Variants in IQCK observed in about 807,000 individuals in gnomAD.
IQCK encodes the protein IQ domain-containing protein K.
Under a neutral mutation model 28.1 loss-of-function variants are expected in IQCK, and 29 were observed. The ratio of observed to expected loss-of-function variants is 1.03; its 90% CI spans 0.77 to 1.41. The LOEUF is 1.41. IQCK is among the 40% of genes most tolerant of loss of function. The probability of loss-of-function intolerance (pLI) is 0.00; values close to 1 mark genes in which losing one functional copy is unlikely to be tolerated. For synonymous variants in IQCK, 113 were observed against 115.1 expected, an observed-to-expected ratio of 0.98 and a Z score of 0.12; for missense variants, 359 against 314.7, an observed-to-expected ratio of 1.14 and a Z score of -1.07.
At chr16:19,722,180 A>G (rs1391325531) in intron 1 of IQCK, among the ~76,000 whole-genome samples, 1 of 152,018 alleles carries the variant, frequency 6.6e-6, no homozygotes, top group African/African-American at 2.4e-5. Flanking sequence ...AGTCTGTAAC[A>G]CCTCCTGAAA....
At chr16:19,803,958 A>G (rs1319863235) in intron 7 of IQCK, among the ~76,000 whole-genome samples, 2 of 152,224 alleles carry the variant, frequency 1.3e-5, no homozygotes, top group Admixed American at 6.5e-5. Flanking sequence ...TCTAAATGTA[A>G]CAACACAGGA....
At chr16:19,738,904 TG>T (rs1365447458) in intron 4 of IQCK, among the ~76,000 whole-genome samples, 2 of 152,180 alleles carry the variant, frequency 1.3e-5, no homozygotes, top group Non-Finnish European at 1.5e-5. Context: ...GGTTCTCTCA[TG>T]GGAAGGTGGG....
At chr16:19,821,002 A>G (rs1447375841) in intron 7 of IQCK, among the ~76,000 whole-genome samples, 10 of 152,218 alleles carry the variant, frequency 6.6e-5, no homozygotes, top group African/African-American at 1.4e-4. Context: ...GTACACATTT[A>G]AACCACAATG....
intron 1 of IQCK, among the ~76,000 whole-genome samples, chr16:19,722,829 A>G (rs1172443212): frequency 1.3e-5 from 2 of 149,948 alleles, no homozygotes; most frequent in Non-Finnish European, 3.0e-5. Context: ...CAATTCCCCC[A>G]CCTCAGCCTC....
chr16:19,849,817 G>A (rs1184056536), intron 9 of IQCK, among the ~76,000 whole-genome samples: 1 of 151,904 alleles, frequency 6.6e-6, no homozygotes, highest in Non-Finnish European at 1.5e-5. Context: ...AGAAAGGAAG[G>A]CAGGGATGAT....
chr16:19,830,030 T>C (rs1040712719), downstream of IQCK, among the ~76,000 whole-genome samples: 39 of 152,142 alleles, frequency 2.6e-4, no homozygotes, highest in Admixed American at 2.0e-3. Context: ...AATGAATGAA[T>C]GAATGAATGA....
chr16:19,798,949 A>G (rs562087690), intron 7 of IQCK, among the ~76,000 whole-genome samples: 57 of 33,480 alleles, frequency 1.7e-3, no homozygotes, highest in Non-Finnish European at 2.3e-3. Flanking sequence ...GGATCTCACT[A>G]TGTTGGCCAG....
intron 1 of IQCK, among the ~76,000 whole-genome samples, chr16:19,723,342 G>A (rs901600345): frequency 1.3e-5 from 2 of 151,988 alleles, no homozygotes; most frequent in Non-Finnish European, 2.9e-5. Context: ...GCTTCTTAAC[G>A]TCCCATCTCT....
At position 19,764,285 on chromosome 16, in the gene IQCK, C is replaced by G. The variant is rs561423767; in HGVS notation, c.605+173C>G. 5.6e-6 allele frequency: 3 copies of G among 539,468 alleles called. No homozygotes were observed. The African/African-American group carries it at 5.6e-5, about 10-fold the overall frequency. 33.4% of individuals were successfully genotyped at this position (539,468 alleles called of 1,614,324 possible). A position where few individuals can be genotyped will look rare whatever the true frequency, so the allele number is the denominator to read the frequency against. The stretch of plus-strand genomic sequence containing the variant: ...TAGCCTAGGCTAACCTTATCCTAAT[C>G]AGGCCAGTAATTTCATTCAAGAAGC... On this transcript the variant is annotated intron_variant, in intron 6 of 7. Transcript: ENST00000564186.
chr16:19,839,455 C>A (rs2056340098), intron 9 of IQCK, among the ~76,000 whole-genome samples: 1 of 151,960 alleles, frequency 6.6e-6, no homozygotes, highest in African/African-American at 2.4e-5. Flanking sequence ...GCCACCACAC[C>A]CGGCCAGTCA....
At chr16:19,836,120 G>A (rs2056293349) in intron 9 of IQCK, among the ~76,000 whole-genome samples, 3 of 152,112 alleles carry the variant, frequency 2.0e-5, no homozygotes, top group Admixed American at 2.0e-4. Context: ...TTCTAAATGA[G>A]GTCATTGTTT....
intron 1 of IQCK, among the ~76,000 whole-genome samples, chr16:19,724,359 A>G (rs1406304392): frequency 6.6e-6 from 1 of 152,092 alleles, no homozygotes; most frequent in Non-Finnish European, 1.5e-5. Flanking sequence ...TCTCTGGAAC[A>G]TAAGCTCCTC....
At chr16:19,742,361 C>T (rs945450447) in intron 4 of IQCK, among the ~76,000 whole-genome samples, 1 of 152,192 alleles carries the variant, frequency 6.6e-6, no homozygotes, top group Non-Finnish European at 1.5e-5. Context: ...CATGTTCCCC[C>T]GTCCCCGGTC....
chr16:19,836,623 C>T (rs1471723010), intron 9 of IQCK, among the ~76,000 whole-genome samples: 1 of 152,192 alleles, frequency 6.6e-6, no homozygotes, highest in Non-Finnish European at 1.5e-5. Context: ...AAGTGATTCT[C>T]CTGCCTCAGC....
chr16:19,736,272 T>C (rs574896790), intron 4 of IQCK: 34 of 424,010 alleles, frequency 8.0e-5, no homozygotes, highest in Non-Finnish European at 1.4e-4. Context: ...TTAGTATCTT[T>C]TTTCTTTTTG....
At chr16:19,773,435 A>G (rs1013638913) in intron 6 of IQCK, among the ~76,000 whole-genome samples, 2 of 152,226 alleles carry the variant, frequency 1.3e-5, no homozygotes, top group African/African-American at 4.8e-5. Flanking sequence ...GAGGATTAAC[A>G]TGATCAAAGC....
At chr16:19,758,612 T>C (rs968274758) in intron 4 of IQCK, among the ~76,000 whole-genome samples, 2 of 152,228 alleles carry the variant, frequency 1.3e-5, no homozygotes, top group African/African-American at 4.8e-5. Flanking sequence ...TCAGGCTAGT[T>C]ACATATTTGC....
chr16:19,728,899 T>A (rs1328995805), intron 1 of IQCK, among the ~76,000 whole-genome samples: 1 of 152,220 alleles, frequency 6.6e-6, no homozygotes, highest in Non-Finnish European at 1.5e-5. Flanking sequence ...GGTAGCTAGG[T>A]GATGAAATAA....
intron 1 of IQCK, among the ~76,000 whole-genome samples, chr16:19,727,729 TCTTG>T (rs1206200011): frequency 6.6e-6 from 1 of 152,202 alleles, no homozygotes; most frequent in Non-Finnish European, 1.5e-5. Flanking sequence ...AATAAGTATG[TCTTG>T]CTTTTGTAAT....
Sources: allele counts gnomAD v4.1 joint callset (sites outside exome capture counted in the v4.1 genomes callset), GRCh38; gene constraint gnomAD v4.1.1; transcripts MANE v1.5; gene names NCBI Gene and HGNC (gene_info 2026-07-23, HGNC 2026-07-21).